Variants in EXOC3L2 observed in about 807,000 individuals in gnomAD.
EXOC3L2 encodes the protein exocyst complex component 3 like 2.
EXOC3L2 carries 17 observed loss-of-function variants against 44.4 expected under a neutral mutation model. That is an observed-to-expected ratio of 0.38 (90% CI 0.26 to 0.57). The LOEUF (loss-of-function observed/expected upper bound fraction) is 0.57, where lower values mean the gene tolerates loss of function less well. Ranked by LOEUF, EXOC3L2 falls within the 20% of genes least tolerant of loss-of-function variation. EXOC3L2 has a pLI of 0.65. For missense variants in EXOC3L2, 541 were observed against 588.4 expected, an observed-to-expected ratio of 0.92 and a Z score of 0.83; for synonymous variants, 256 against 253.7, an observed-to-expected ratio of 1.01 and a Z score of -0.09.
chr19:45,241,563 A>G (rs1970132278), intron 1 of EXOC3L2, among the ~76,000 whole-genome samples: 1 of 151,632 alleles, frequency 6.6e-6, no homozygotes, highest in African/African-American at 2.4e-5. Context: ...TAGTATCTTC[A>G]GGACAAAGCT....
intron 8 of EXOC3L2, among the ~76,000 whole-genome samples, chr19:45,221,750 C>T (rs1201656611): frequency 2.0e-5 from 3 of 150,262 alleles, no homozygotes; most frequent in Non-Finnish European, 4.4e-5. Flanking sequence ...TGGGATCAAG[C>T]GATCCTCCCA....
rs11673093 is a variant in EXOC3L2, at chr19:45,238,836, G to A, written c.210C>T (p.Gly70=). 0.22 allele frequency: 89,532 copies of A among 398,838 alleles called. 11,232 individuals carry two copies. Among genetic ancestry groups the A allele is most frequent in the South Asian group, 0.29 (2,264 of 7,852 alleles). The allele number at this position is 398,838 out of a possible 1,614,324, so 24.7% of individuals were successfully genotyped here. Residue 70 remains glycine (G), a synonymous_variant, in exon 2 of 12, where the codon GGC becomes GGT. Transcript: ENST00000413988. The surrounding 1 kb of genome is among the most constrained non-coding windows in gnomAD (Gnocchi z 5.5). ...TGCCTGCCCGCCGGCCCGGGGCCCA[G>A]CCCAGCCGGAAGGGGGCCAGGCCCG... is the stretch of plus-strand genomic sequence containing the variant. ...KLAGLAPFRL[G]WAPGRRAGSP... is the part of the protein sequence containing the mutation.
Position 45,217,638 on chromosome 19 carries a change from G to A in EXOC3L2, c.1888C>T (p.Arg630Trp). The change falls in exon 10 of 12, where the codon CGG becomes TGG. Residue 630 changes from arginine (R) to tryptophan (W), a missense_variant. Arg to Trp is a moderately radical substitution (Grantham distance 101, BLOSUM62 -3). Coordinates refer to ENST00000413988, the MANE Select transcript of EXOC3L2 (RefSeq NM_001382422.1). ...CGCAGGCGCCCACGGAGCAGGGGCC[G>A]CACGTACTCGACCAGCGCCCGCCGG... ...LHRRALVEYV[R>W]PLLRGRLRCS... The A allele has an allele frequency of 1.4e-6, 2 of 1,454,350 alleles. No homozygotes were observed. Among genetic ancestry groups the A allele is most frequent in the South Asian group, 1.4e-5 (1 of 71,614 alleles). The allele number at this position is 1,454,350 out of a possible 1,614,324, so 90.1% of individuals were successfully genotyped here. A position where few individuals can be genotyped will look rare whatever the true frequency, so the allele number is the denominator to read the frequency against.
At position 45,234,425 on chromosome 19, in the gene EXOC3L2, G is replaced by T. The variant is rs947079257; in HGVS notation, c.925C>A (p.Pro309Thr). 2 of 288,268 alleles carry T rather than the reference G, an allele frequency of 6.9e-6. No individual in the cohort carries two copies. Among genetic ancestry groups the T allele is most frequent in the Non-Finnish European group, 1.3e-5 (2 of 154,870 alleles). 17.9% of individuals were successfully genotyped at this position (288,268 alleles called of 1,614,324 possible). A position where few individuals can be genotyped will look rare whatever the true frequency, so the allele number is the denominator to read the frequency against. The change falls in exon 3 of 12, where the codon CCC becomes ACC. Residue 309 changes from proline (P) to threonine (T), a missense_variant. By Grantham distance (38) the Pro-to-Thr change is conservative (BLOSUM62 -1). Coordinates refer to ENST00000413988, the MANE Select transcript of EXOC3L2 (RefSeq NM_001382422.1). The surrounding 1 kb of genome is among the most constrained non-coding windows in gnomAD (Gnocchi z 5.0). ...ERLEAAAPGA[P>T]GGLAGQLEAL... ...TCCAGCTGCCCGGCCAGGCCCCCGG[G>T]CGCCCCGGGAGCCGCTGCCTCTAGG...
chr19:45,222,348 T>C (rs1969907504), intron 8 of EXOC3L2, among the ~76,000 whole-genome samples: 1 of 151,748 alleles, frequency 6.6e-6, no homozygotes. Flanking sequence ...TACAGGCGCT[T>C]GCCACCACGC....
rs1249185930 is a variant in EXOC3L2 at position 45,227,775 on chromosome 19, G to A, written c.1473-3C>T. On this transcript the variant is annotated splice_polypyrimidine_tract_variant and splice_region_variant and intron_variant, in intron 6 of 11. Coordinates refer to ENST00000413988, the MANE Select transcript of EXOC3L2 (RefSeq NM_001382422.1). ...ATCGCTCCACACGCTGCTGGAAGCT[G>A]GTGGGAGGAAAGGGGACAGATAGGG... is the stretch of plus-strand genomic sequence containing the variant. The A allele has an allele frequency of 1.2e-6, 2 of 1,608,870 alleles. No individual in the cohort carries two copies. The highest frequency in any genetic ancestry group is 1.3e-5 in the African/African-American group (1 of 74,908).
intron 8 of EXOC3L2, among the ~76,000 whole-genome samples, chr19:45,219,533 G>A (rs1453238927): frequency 6.6e-6 from 1 of 151,960 alleles, no homozygotes; most frequent in Non-Finnish European, 1.5e-5. Context: ...GAGAAAACAT[G>A]TTCCCCATCT....
At chr19:45,233,139 C>T (rs971877859) in intron 3 of EXOC3L2, among the ~76,000 whole-genome samples, 5 of 152,102 alleles carry the variant, frequency 3.3e-5, no homozygotes, top group African/African-American at 1.2e-4. Flanking sequence ...TCACTTGAAC[C>T]CGGGAGGCGG....
intron 8 of EXOC3L2, 152 bp downstream of exon 8, chr19:45,224,626 A>G (rs1449517242): frequency 2.5e-6 from 3 of 1,222,324 alleles, no homozygotes; most frequent in Non-Finnish European, 2.2e-6. Flanking sequence ...CACTCCACCA[A>G]CAGCCCAGGC....
intron 11 of EXOC3L2, among the ~76,000 whole-genome samples, chr19:45,215,743 C>A (rs1466263645): frequency 6.6e-6 from 1 of 152,106 alleles, no homozygotes; most frequent in Non-Finnish European, 1.5e-5. Flanking sequence ...GCGTGTGCGC[C>A]CGTGTGCCCT....
At chr19:45,226,274 C>T (rs537925517) in intron 7 of EXOC3L2, among the ~76,000 whole-genome samples, 61 of 152,172 alleles carry the variant, frequency 4.0e-4, no homozygotes, top group Non-Finnish European at 7.1e-4. Context: ...GTTCTCCATT[C>T]GGCAATGGAA....
At chr19:45,235,973 G>A (rs1320851328) in intron 2 of EXOC3L2, among the ~76,000 whole-genome samples, 1 of 152,118 alleles carries the variant, frequency 6.6e-6, no homozygotes, top group Non-Finnish European at 1.5e-5. Flanking sequence ...TGGGGATTGG[G>A]ACACGGATGG....
chr19:45,223,122 G>A (rs1425341258), intron 8 of EXOC3L2, among the ~76,000 whole-genome samples: 1 of 152,134 alleles, frequency 6.6e-6, no homozygotes, highest in Admixed American at 6.6e-5. Flanking sequence ...GGGCGAGGTA[G>A]CTCACACCTA....
intron 11 of EXOC3L2, among the ~76,000 whole-genome samples, chr19:45,214,199 C>A (rs1294810846): frequency 6.6e-6 from 1 of 152,160 alleles, no homozygotes; most frequent in Non-Finnish European, 1.5e-5. Context: ...AAGGACATGA[C>A]CTTATCCCCC....
chr19:45,241,951 C>T (rs1568485409), intron 1 of EXOC3L2, among the ~76,000 whole-genome samples: 1 of 152,180 alleles, frequency 6.6e-6, no homozygotes, highest in Non-Finnish European at 1.5e-5. Context: ...AGGGCAGACA[C>T]TCAGGGAATG....
Position 45,213,367 on chromosome 19 carries a change from G to A in EXOC3L2, c.2121-10C>T. 1 of 1,612,730 alleles carries A rather than the reference G, an allele frequency of 6.2e-7. No homozygotes were observed. The highest frequency in any genetic ancestry group is 8.5e-7 in the Non-Finnish European group (1 of 1,179,552). Reference sequence around the variant, plus strand: ...TGCCACGTGCTTCTGCCTGTGGGGAGAGGAACAGACAGGTGCATGCAGATC... The same window carrying A: ...TGCCACGTGCTTCTGCCTGTGGGGAAAGGAACAGACAGGTGCATGCAGATC... On this transcript the variant is annotated splice_polypyrimidine_tract_variant and intron_variant, in intron 11 of 11. Transcript: ENST00000413988.
chr19:45,243,214 T>C (rs929642648), intron 1 of EXOC3L2, among the ~76,000 whole-genome samples: 5 of 152,222 alleles, frequency 3.3e-5, no homozygotes, highest in Admixed American at 2.6e-4. Flanking sequence ...ATATGAATTG[T>C]GTAAAGGGTC....
intron 11 of EXOC3L2, among the ~76,000 whole-genome samples, chr19:45,215,775 G>A (rs1027950543): frequency 2.0e-5 from 3 of 152,128 alleles, no homozygotes; most frequent in South Asian, 2.1e-4. Flanking sequence ...AGTCCCCTGC[G>A]GCTCCCCTGC....
rs60929770 is a variant in EXOC3L2, at chr19:45,222,201, CT to C, written c.1719+2576del. Reference sequence around the variant, plus strand: ...GTCTCTAGCTGGTTGTTTTTCTCTCCTTTTTTTTTTTTTTTTGAGACGGAGT... The same window carrying C: ...GTCTCTAGCTGGTTGTTTTTCTCTCCTTTTTTTTTTTTTTTGAGACGGAGT... On this transcript the variant is annotated intron_variant, in intron 8 of 11. Coordinates refer to ENST00000413988, the MANE Select transcript of EXOC3L2 (RefSeq NM_001382422.1). Among the ~76,000 whole-genome samples the C allele has an allele frequency of 5.6e-3, 764 of 137,176 alleles. 2 individuals are homozygous for C. Among genetic ancestry groups the C allele is most frequent in the African/African-American group, 8.1e-3 (296 of 36,604 alleles). The allele number at this position is 137,176 out of a possible 152,430, so 90.0% of individuals were successfully genotyped here. A position where few individuals can be genotyped will look rare whatever the true frequency, so the allele number is the denominator to read the frequency against.
Sources: gnomAD v4.1 joint callset for allele counts (sites outside exome capture counted in the v4.1 genomes callset) on GRCh38, gnomAD v4.1.1 for gene constraint, Gnocchi (gnomAD v3.1) non-coding constraint, MANE v1.5 for transcripts, NCBI Gene and HGNC (gene_info 2026-07-23, HGNC 2026-07-21) for gene names.